The following RRP15 variants were observed in gnomAD, a reference collection of about 807,000 sequenced individuals.
RRP15 encodes ribosomal RNA processing 15 homolog.
In RRP15, 18 loss-of-function variants were observed where a neutral mutation model predicts 27.1. The observed-to-expected ratio is 0.66, with a 90% confidence interval of 0.46 to 0.98. The LOEUF is 0.98. RRP15 is among the 50% of genes least tolerant of loss of function. The probability of loss-of-function intolerance (pLI) is 0.00; values close to 1 mark genes in which losing one functional copy is unlikely to be tolerated. For synonymous variants in RRP15, 107 were observed against 109.4 expected (o/e 0.98, Z 0.14); for missense variants, 359 against 337.8 (o/e 1.06, Z -0.49).
intron 4 of RRP15, among the ~76,000 whole-genome samples, chr1:218,315,590 G>A (rs1656077084): frequency 6.6e-6 from 1 of 151,462 alleles, no homozygotes; most frequent in African/African-American, 2.4e-5. Context: ...ACCGCACCTG[G>A]CTTTATTTTT....
Position 218,302,430 on chromosome 1 carries a change from G to C in RRP15, c.276G>C (p.Trp92Cys). The change falls in exon 2 of 5, where the codon TGG becomes TGC. Residue 92 changes from tryptophan (W) to cysteine (C), a missense_variant. Transcript: ENST00000366932. ...CAAGTGTTGGGACTAATATGGGCTG[G>C]GCAGATGCTATGGCTAAAGTCCTCA... ...GESSVGTNMG[W>C]ADAMAKVLNK... 1.2e-6 allele frequency: 2 copies of C among 1,614,030 alleles called. No homozygotes were observed. Among genetic ancestry groups the C allele is most frequent in the Non-Finnish European group, 1.7e-6 (2 of 1,180,002 alleles).
chr1:218,303,719 A>G (rs1228928127), intron 2 of RRP15, among the ~76,000 whole-genome samples: 2 of 152,210 alleles, frequency 1.3e-5, no homozygotes, highest in Admixed American at 1.3e-4. Flanking sequence ...AGTGCTAGAG[A>G]TGATACTGTC....
chr1:218,291,010 G>A (rs1187017288), intron 1 of RRP15, among the ~76,000 whole-genome samples: 2 of 146,892 alleles, frequency 1.4e-5, no homozygotes, highest in Non-Finnish European at 3.0e-5. Context: ...TGTGTGCCGT[G>A]TGCCTGTAAT....
At chr1:218,297,322 G>T (rs2102495040) in intron 1 of RRP15, among the ~76,000 whole-genome samples, 1 of 152,134 alleles carries the variant, frequency 6.6e-6, no homozygotes, top group South Asian at 2.1e-4. Context: ...TTCCTTCCTT[G>T]TTTCTTTCTC....
intron 4 of RRP15, among the ~76,000 whole-genome samples, chr1:218,307,842 T>C (rs1655925132): frequency 6.6e-6 from 1 of 152,118 alleles, no homozygotes; most frequent in African/African-American, 2.4e-5. Context: ...AATAGAAGCC[T>C]GTGTGGGCCA....
At chr1:218,306,124 T>C (rs182705356) in intron 3 of RRP15, among the ~76,000 whole-genome samples, 151 of 152,308 alleles carry the variant, frequency 9.9e-4, no homozygotes, top group African/African-American at 3.5e-3. Context: ...CTGTCACTAC[T>C]GTGAAGGGTC....
At chr1:218,290,661 GT>G in intron 1 of RRP15, among the ~76,000 whole-genome samples, 1 of 152,216 alleles carries the variant, frequency 6.6e-6, no homozygotes, top group East Asian at 1.9e-4. Flanking sequence ...AAGAGATGAG[GT>G]TTTGCCATGT....
rs1390446940 is a variant in RRP15 at position 218,336,429 on chromosome 1, T to C, written c.*5338T>C. ...AACATCAAAGTGAAAACACCAAATTTGTAAGAGGTCAGGACCAACTGGGGC... is the reference window on the plus strand; with the variant it reads ...AACATCAAAGTGAAAACACCAAATTCGTAAGAGGTCAGGACCAACTGGGGC... On this transcript the variant is annotated 3_prime_UTR_variant, in exon 5 of 5. Coordinates refer to ENST00000366932, the MANE Select transcript of RRP15 (RefSeq NM_016052.4). 6.6e-6 allele frequency: 1 copy of C among 152,630 alleles called. No individual in the cohort carries two copies. Among genetic ancestry groups the C allele is most frequent in the Non-Finnish European group, 1.5e-5 (1 of 68,048 alleles). The allele number at this position is 152,630 out of a possible 1,614,324, so 9.5% of individuals were successfully genotyped here.
intron 4 of RRP15, among the ~76,000 whole-genome samples, chr1:218,329,203 C>T (rs945296231): frequency 1.1e-4 from 14 of 123,252 alleles, no homozygotes. Flanking sequence ...GAGCTCGAAA[C>T]CAGCCTGGAC....
intron 1 of RRP15, among the ~76,000 whole-genome samples, chr1:218,295,608 T>A (rs1202975001): frequency 1.3e-5 from 2 of 152,230 alleles, no homozygotes; most frequent in African/African-American, 4.8e-5. Flanking sequence ...ATTTAAGATA[T>A]AATAACCTAG....
At chr1:218,324,996 C>T (rs1656249412) in intron 4 of RRP15, among the ~76,000 whole-genome samples, 1 of 152,100 alleles carries the variant, frequency 6.6e-6, no homozygotes, top group African/African-American at 2.4e-5. Context: ...TCTTGGGTTG[C>T]TTCACTCTTG....
At position 218,307,373 on chromosome 1, in the gene RRP15, A is replaced by C; in HGVS notation, c.504-58A>C. 4.2e-6 allele frequency: 6 copies of C among 1,436,094 alleles called. No individual in the cohort carries two copies. In the South Asian group the frequency reaches 7.6e-5, roughly 18 times the overall value. 89.0% of individuals were successfully genotyped at this position (1,436,094 alleles called of 1,614,324 possible). ...GAAAATACATTTTTCCTATCCTCAG[A>C]GTTTGTATTCTAGGGTAATTATTTA... On this transcript the variant is annotated intron_variant, in intron 3 of 4. Coordinates refer to ENST00000366932, the MANE Select transcript of RRP15 (RefSeq NM_016052.4).
chr1:218,317,803 A>T (rs943785327), intron 4 of RRP15, among the ~76,000 whole-genome samples: 2 of 146,324 alleles, frequency 1.4e-5, no homozygotes, highest in Non-Finnish European at 3.0e-5. Context: ...TGGTGTGATC[A>T]CAGCTCACTG....
At chr1:218,328,618 G>C (rs11118084) in intron 4 of RRP15, among the ~76,000 whole-genome samples, 3 of 151,948 alleles carry the variant, frequency 2.0e-5, no homozygotes, top group African/African-American at 7.3e-5. Context: ...AGCCGAGATT[G>C]CGCCACTGCA....
At chr1:218,311,405 C>T (rs1208878750) in intron 4 of RRP15, among the ~76,000 whole-genome samples, 1 of 152,094 alleles carries the variant, frequency 6.6e-6, no homozygotes, top group African/African-American at 2.4e-5. Context: ...AAATAATATA[C>T]AATAATAATA....
At position 218,332,196 on chromosome 1, in the gene RRP15, T is replaced by A. The variant is rs962571368; in HGVS notation, c.*1105T>A. 1.3e-5 allele frequency: 2 copies of A among 152,166 alleles called. No individual in the cohort carries two copies. Among genetic ancestry groups the A allele is most frequent in the Non-Finnish European group, 2.9e-5 (2 of 68,028 alleles). 9.4% of individuals were successfully genotyped at this position (152,166 alleles called of 1,614,324 possible). A position where few individuals can be genotyped will look rare whatever the true frequency, so the allele number is the denominator to read the frequency against. Reference sequence around the variant, plus strand: ...TCCCAAATATTTGAGTTAGCTTAAATTCTTTTTTATGGACTGCCCAACCAG... The same window carrying A: ...TCCCAAATATTTGAGTTAGCTTAAAATCTTTTTTATGGACTGCCCAACCAG... On this transcript the variant is annotated 3_prime_UTR_variant, in exon 5 of 5. Coordinates refer to ENST00000366932, the MANE Select transcript of RRP15 (RefSeq NM_016052.4).
intron 4 of RRP15, among the ~76,000 whole-genome samples, chr1:218,312,296 T>C (rs1291712098): frequency 1.3e-5 from 2 of 148,968 alleles, no homozygotes; most frequent in African/African-American, 5.1e-5. Flanking sequence ...TTTTTTTTTT[T>C]AGCCATTGAG....
chr1:218,327,100 CTT>C (rs1163548133), intron 4 of RRP15, among the ~76,000 whole-genome samples: 1 of 152,160 alleles, frequency 6.6e-6, no homozygotes, highest in Non-Finnish European at 1.5e-5. Flanking sequence ...TTGATATTGT[CTT>C]TTCTGATCTT....
intron 4 of RRP15, among the ~76,000 whole-genome samples, chr1:218,315,094 G>T (rs964038971): frequency 6.6e-6 from 1 of 151,986 alleles, no homozygotes; most frequent in Non-Finnish European, 1.5e-5. Flanking sequence ...AAGAGTCCAG[G>T]TATTTATTTT....
Sources: gnomAD v4.1 joint callset for allele counts (sites outside exome capture counted in the v4.1 genomes callset) on GRCh38, gnomAD v4.1.1 for gene constraint, MANE v1.5 for transcripts, NCBI Gene and HGNC (gene_info 2026-07-23, HGNC 2026-07-21) for gene names.